The following MCM10 variants were observed in gnomAD, a reference collection of about 807,000 sequenced individuals.
MCM10 encodes the protein protein MCM10 homolog.
MCM10 carries 91 observed loss-of-function variants against 109.9 expected under a neutral mutation model. The ratio of observed to expected loss-of-function variants is 0.83; its 90% CI spans 0.70 to 0.99. MCM10 has a LOEUF of 0.99. Among genes scored for constraint, MCM10 ranks in the 50% least tolerant of loss-of-function variants. The pLI is 0.00. For synonymous variants in MCM10, 380 were observed against 387.2 expected, an observed-to-expected ratio of 0.98 and a Z score of 0.22; for missense variants, 1,077 against 1,061.2, an observed-to-expected ratio of 1.01 and a Z score of -0.21.
At chr10:13,206,900 G>A (rs1485178393) in intron 18 of MCM10, among the ~76,000 whole-genome samples, 1 of 152,130 alleles carries the variant, frequency 6.6e-6, no homozygotes, top group Admixed American at 6.5e-5. Context: ...GAACTCATGG[G>A]CTCAAGCGAT....
Position 13,209,363 on chromosome 10 carries a change from A to T in MCM10, c.*53A>T. 1 of 1,394,260 alleles carries T rather than the reference A, an allele frequency of 7.2e-7. No individual in the cohort carries two copies. Among genetic ancestry groups the T allele is most frequent in the Non-Finnish European group, 1.0e-6 (1 of 983,724 alleles). 86.4% of individuals were successfully genotyped at this position (1,394,260 alleles called of 1,614,324 possible). A position where few individuals can be genotyped will look rare whatever the true frequency, so the allele number is the denominator to read the frequency against. ...CTTCCTGGCCTCCTGTGACTCTGGAAAGCAAAGGATTGGCTGTGTATTGTC... is the reference window on the plus strand; with the variant it reads ...CTTCCTGGCCTCCTGTGACTCTGGATAGCAAAGGATTGGCTGTGTATTGTC... On this transcript the variant is annotated 3_prime_UTR_variant, in exon 20 of 20. Transcript: ENST00000378714.
At chr10:13,183,996 C>T (rs532977154) in intron 8 of MCM10, among the ~76,000 whole-genome samples, 6 of 152,108 alleles carry the variant, frequency 3.9e-5, no homozygotes, top group Non-Finnish European at 8.8e-5. Context: ...GCTGGGATTA[C>T]AGGCATGTGC....
chr10:13,206,174 T>C (rs550475972), intron 18 of MCM10, among the ~76,000 whole-genome samples: 6 of 152,310 alleles, frequency 3.9e-5, no homozygotes, highest in African/African-American at 1.2e-4. Flanking sequence ...CAGAATTCTG[T>C]CTCATTTGAT....
At chr10:13,180,878 A>C (rs1444389996) in intron 7 of MCM10, among the ~76,000 whole-genome samples, 3 of 152,174 alleles carry the variant, frequency 2.0e-5, no homozygotes, top group African/African-American at 7.2e-5. Context: ...TGGGTGACAC[A>C]TGTGGTTGTC....
At position 13,181,690 on chromosome 10, in the gene MCM10, A is replaced by T. The variant is rs7912284; in HGVS notation, c.930+1083A>T. On this transcript the variant is annotated intron_variant, in intron 7 of 19. Coordinates refer to ENST00000378714, the MANE Select transcript of MCM10 (RefSeq NM_018518.5). ...GTACCCCAGAACTTAAAAAAATTTT[A>T]AAAAATTAAAGATTACCCGGTCTTA... is the stretch of plus-strand genomic sequence containing the variant. 4.4e-3 allele frequency among the ~76,000 whole-genome samples: 673 copies of T among 152,328 alleles called. 6 individuals are homozygous for T. Among genetic ancestry groups the T allele is most frequent in the African/African-American group, 0.015 (630 of 41,564 alleles).
At chr10:13,180,168 T>G (rs1051715067) in intron 6 of MCM10, among the ~76,000 whole-genome samples, 2 of 151,986 alleles carry the variant, frequency 1.3e-5, no homozygotes, top group Non-Finnish European at 2.9e-5. Flanking sequence ...GGAGAATCAC[T>G]TGAACCTGGG....
chr10:13,180,176 G>A (rs902609852), intron 6 of MCM10, among the ~76,000 whole-genome samples: 20 of 152,086 alleles, frequency 1.3e-4, no homozygotes, highest in Admixed American at 4.6e-4. Context: ...ACTTGAACCT[G>A]GGAGGCGGAG....
At position 13,192,357 on chromosome 10, in the gene MCM10, C is replaced by A; in HGVS notation, c.1619C>A (p.Thr540Lys). The change falls in exon 12 of 20, where the codon ACA (threonine) becomes AAA (lysine). Residue 540 changes from threonine (T) to lysine (K), a missense_variant. Transcript: ENST00000378714. ...TTAAAACAACATTTAGCCAAAGCCACAGCTTCAGGTACCATCAGCTGCATG... is the reference window on the plus strand; with the variant it reads ...TTAAAACAACATTTAGCCAAAGCCAAAGCTTCAGGTACCATCAGCTGCATG... ...RNLKQHLAKA[T>K]ASGIMGSPKP... The A allele has an allele frequency of 6.2e-7, 1 of 1,612,232 alleles. No individual in the cohort carries two copies. Among genetic ancestry groups the A allele is most frequent in the Non-Finnish European group, 8.5e-7 (1 of 1,179,232 alleles).
chr10:13,164,356 T>C (rs1833967321), intron 2 of MCM10, 147 bp downstream of exon 2: 1 of 598,956 alleles, frequency 1.7e-6, no homozygotes, highest in South Asian at 3.1e-5. Flanking sequence ...ATCTCACATC[T>C]CACAGAGGTC....
chr10:13,164,306 C>A, intron 2 of MCM10, 97 bp downstream of exon 2: 2 of 1,167,386 alleles, frequency 1.7e-6, no homozygotes, highest in Non-Finnish European at 2.4e-6. Context: ...GGTGAAAATG[C>A]TCCCCAGCCC....
chr10:13,186,290 A>G lies in MCM10; in HGVS notation c.1215+10A>G. 1 of 1,557,232 alleles carries G rather than the reference A, an allele frequency of 6.4e-7. No individual in the cohort carries two copies. Among genetic ancestry groups the G allele is most frequent in the Non-Finnish European group, 8.9e-7 (1 of 1,129,520 alleles). ...GCAGACTGTGAATTTGGTTGGTTTCAGCCTTGTTAGGATGGTTTCTGCTAA... is the reference window on the plus strand; with the variant it reads ...GCAGACTGTGAATTTGGTTGGTTTCGGCCTTGTTAGGATGGTTTCTGCTAA... On this transcript the variant is annotated intron_variant, in intron 9 of 19. Coordinates refer to ENST00000378714, the MANE Select transcript of MCM10 (RefSeq NM_018518.5).
intron 13 of MCM10, among the ~76,000 whole-genome samples, 160 bp from the exon 14 acceptor site, chr10:13,194,881 C>T (rs554508913): frequency 2.6e-5 from 4 of 152,318 alleles, no homozygotes; most frequent in South Asian, 4.1e-4. Flanking sequence ...TTGTTCTTAT[C>T]GTGTGCAAAT....
intron 14 of MCM10, among the ~76,000 whole-genome samples, chr10:13,195,733 C>T (rs1387363541): frequency 6.6e-6 from 1 of 151,984 alleles, no homozygotes; most frequent in Non-Finnish European, 1.5e-5. Flanking sequence ...GCTTCAGCCT[C>T]CCGAGTACCT....
chr10:13,202,129 C>A, intron 17 of MCM10, among the ~76,000 whole-genome samples: 1 of 152,184 alleles, frequency 6.6e-6, no homozygotes, highest in Non-Finnish European at 1.5e-5. Context: ...GATGTCAAGG[C>A]AGGAGGATCA....
chr10:13,189,222 A>G (rs914375273), intron 10 of MCM10, 142 bp downstream of exon 10: 18 of 855,268 alleles, frequency 2.1e-5, no homozygotes, highest in Non-Finnish European at 2.7e-5. Context: ...CAAGTTGGTT[A>G]AAGACCGCTT....
chr10:13,204,992 A>ATG (rs1564394938), intron 18 of MCM10, among the ~76,000 whole-genome samples: 1 of 10,380 alleles, frequency 9.6e-5, no homozygotes, highest in Admixed American at 1.6e-3. Context: ...TCATGTATGT[A>ATG]TGTATGTATG....
chr10:13,171,378 T>TA (rs935361798), intron 3 of MCM10, 115 bp downstream of exon 3: 1 of 1,027,762 alleles, frequency 9.7e-7, no homozygotes, highest in Non-Finnish European at 1.4e-6. Context: ...AATGACTTTG[T>TA]AAAAAAAGAA....
chr10:13,196,338 T>G (rs1834421278), intron 14 of MCM10, among the ~76,000 whole-genome samples: 1 of 152,086 alleles, frequency 6.6e-6, no homozygotes, highest in African/African-American at 2.4e-5. Flanking sequence ...CAATCGAGCC[T>G]CTCTCTTCCC....
intron 10 of MCM10, 47 bp downstream of exon 10, chr10:13,189,127 AAGAC>A: frequency 6.3e-7 from 1 of 1,596,844 alleles, no homozygotes; most frequent in Admixed American, 1.7e-5. Flanking sequence ...TTGCTTATCA[AAGAC>A]TAAACCTACT....
Sources: allele counts gnomAD v4.1 joint callset (sites outside exome capture counted in the v4.1 genomes callset), GRCh38; gene constraint gnomAD v4.1.1; transcripts MANE v1.5; gene names NCBI Gene and HGNC (gene_info 2026-07-23, HGNC 2026-07-21).